Variants in ACER3 observed in about 807,000 individuals in gnomAD.
ACER3 encodes the protein alkaline ceramidase 3.
A neutral mutation model predicts 48.9 loss-of-function variants in ACER3; 16 were observed. The ratio of observed to expected loss-of-function variants is 0.33; its 90% confidence interval spans 0.22 to 0.50. The LOEUF (loss-of-function observed/expected upper bound fraction) is 0.50, where lower values mean the gene tolerates loss of function less well. ACER3 is among the 20% of genes least tolerant of loss of function. ACER3 has a pLI of 0.98. For synonymous variants in ACER3, 109 were observed against 107.8 expected (o/e 1.01, Z -0.07); for missense variants, 227 against 326.0 (o/e 0.70, Z 2.34).
At chr11:76,922,205 T>A (rs750200389) in intron 1 of ACER3, among the ~76,000 whole-genome samples, 1 of 152,186 alleles carries the variant, frequency 6.6e-6, no homozygotes, top group Admixed American at 6.5e-5. Context: ...TTCTAATTTG[T>A]AAAACTTGTG....
rs1466204332 is a variant in ACER3, at chr11:77,019,650, AT to A, written c.705-80del. ...TTTGCTTCGTACATGCAGAAGCACT[AT>A]GGTTACGTTTGTCAGTACGCCAGTT... On this transcript the variant is annotated intron_variant, in intron 9 of 10. Coordinates refer to ENST00000532485, the MANE Select transcript of ACER3 (RefSeq NM_018367.7). 5.4e-5 allele frequency: 73 copies of A among 1,354,918 alleles called. 1 individual carries two copies. The highest frequency in any genetic ancestry group is 2.0e-5 in the Non-Finnish European group (19 of 944,560). 83.9% of individuals were successfully genotyped at this position (1,354,918 alleles called of 1,614,324 possible).
rs1202844155 is a variant in ACER3, at chr11:77,026,546, G to T, written c.*6219G>T. The T allele has an allele frequency of 6.6e-6, 1 of 152,170 alleles. No individual in the cohort carries two copies. The highest frequency in any genetic ancestry group is 2.4e-5 in the African/African-American group (1 of 41,454). 9.4% of individuals were successfully genotyped at this position (152,170 alleles called of 1,614,324 possible). A position where few individuals can be genotyped will look rare whatever the true frequency, so the allele number is the denominator to read the frequency against. On this transcript the variant is annotated 3_prime_UTR_variant, in exon 11 of 11. Transcript: ENST00000532485. ...ATTTCCTAACTTCATAGTTGTCGCA[G>T]ATGTTTGTTCTAGTAGCGATTATTT...
intron 1 of ACER3, among the ~76,000 whole-genome samples, chr11:76,864,319 C>T (rs934759670): frequency 3.9e-5 from 6 of 152,168 alleles, no homozygotes; most frequent in Non-Finnish European, 5.9e-5. Flanking sequence ...ACACAAATGA[C>T]TGTGCAAGTT....
chr11:77,020,035 C>A (rs115655584), intron 10 of ACER3, among the ~76,000 whole-genome samples: 5 of 151,948 alleles, frequency 3.3e-5, no homozygotes, highest in African/African-American at 7.3e-5. Flanking sequence ...ATTTATATGC[C>A]CAGCTCCATG....
At chr11:76,905,304 C>G (rs10466735) in intron 1 of ACER3, among the ~76,000 whole-genome samples, 3,296 of 152,168 alleles carry the variant, frequency 0.022, 121 homozygotes, top group African/African-American at 0.076. Flanking sequence ...AAAAGTGAAA[C>G]AATATCTATT....
chr11:77,010,115 T>C (rs907791579), intron 7 of ACER3, among the ~76,000 whole-genome samples: 2 of 151,626 alleles, frequency 1.3e-5, no homozygotes, highest in African/African-American at 2.4e-5. Flanking sequence ...ATGACTCCCC[T>C]AAGAATTTGT....
chr11:76,982,143 T>A lies in ACER3; in HGVS notation c.321-3500T>A, dbSNP rs537428004. On this transcript the variant is annotated intron_variant, in intron 4 of 10. Transcript: ENST00000532485. ...TTTTCTTAGTGACTAATGATGTGCA[T>A]CTTTTTTTATTCTAATTGTCCATTT... 8.5e-5 allele frequency among the ~76,000 whole-genome samples: 13 copies of A among 152,238 alleles called. No individual in the cohort carries two copies. The South Asian group carries it at 1.2e-3, about 15-fold the overall frequency.
At chr11:77,008,198 C>T (rs756499412) in intron 7 of ACER3, among the ~76,000 whole-genome samples, 1 of 152,116 alleles carries the variant, frequency 6.6e-6, no homozygotes, top group Non-Finnish European at 1.5e-5. Flanking sequence ...ATATATAATG[C>T]CCAGCAGTTT....
chr11:76,954,942 C>G (rs7943364), intron 2 of ACER3, among the ~76,000 whole-genome samples: 1 of 152,028 alleles, frequency 6.6e-6, no homozygotes, highest in Admixed American at 6.5e-5. Flanking sequence ...AGTTCTGAGA[C>G]AGGAACCATA....
chr11:76,879,339 G>C (rs1225235134), intron 1 of ACER3, among the ~76,000 whole-genome samples: 2 of 152,000 alleles, frequency 1.3e-5, no homozygotes, highest in African/African-American at 4.8e-5. Flanking sequence ...TTCCTAATAG[G>C]CATATCCAGT....
intron 1 of ACER3, among the ~76,000 whole-genome samples, chr11:76,872,233 C>A (rs969712531): frequency 1.3e-5 from 2 of 152,136 alleles, no homozygotes; most frequent in African/African-American, 4.8e-5. Flanking sequence ...TGTGCCACCA[C>A]CCCCGCTAAT....
intron 3 of ACER3, among the ~76,000 whole-genome samples, chr11:76,968,383 A>G (rs1948195755): frequency 6.6e-6 from 1 of 152,206 alleles, no homozygotes. Context: ...TAATTTATAG[A>G]TTGAATGCAA....
intron 2 of ACER3, among the ~76,000 whole-genome samples, chr11:76,957,087 T>C (rs1947859765): frequency 6.6e-6 from 1 of 152,220 alleles, no homozygotes; most frequent in Admixed American, 6.5e-5. Flanking sequence ...CAAGTGTTCC[T>C]TCTCTGTGCT....
At chr11:76,944,329 G>T (rs958855916) in intron 2 of ACER3, among the ~76,000 whole-genome samples, 2 of 152,052 alleles carry the variant, frequency 1.3e-5, no homozygotes, top group Admixed American at 1.3e-4. Flanking sequence ...GTGTTTTCAG[G>T]ATGGTGGTTA....
intron 2 of ACER3, among the ~76,000 whole-genome samples, chr11:76,929,273 A>G (rs1449591498): frequency 4.0e-5 from 6 of 151,886 alleles, no homozygotes; most frequent in East Asian, 1.9e-4. Flanking sequence ...GTCTGTTATT[A>G]GTGTATAAGA....
intron 2 of ACER3, among the ~76,000 whole-genome samples, chr11:76,948,627 CT>C (rs1200476067): frequency 6.6e-6 from 1 of 152,192 alleles, no homozygotes; most frequent in East Asian, 1.9e-4. Context: ...ATATACCAGG[CT>C]GCTGATGCCT....
intron 2 of ACER3, among the ~76,000 whole-genome samples, chr11:76,958,597 G>C (rs1259471650): frequency 6.6e-6 from 1 of 152,178 alleles, no homozygotes; most frequent in African/African-American, 2.4e-5. Context: ...GCATCAACAA[G>C]TTCAGGAACA....
At chr11:76,942,712 G>T (rs770213121) in intron 2 of ACER3, among the ~76,000 whole-genome samples, 8 of 151,972 alleles carry the variant, frequency 5.3e-5, no homozygotes, top group Non-Finnish European at 1.0e-4. Context: ...GAATTAAGAA[G>T]AATTCCCTCC....
intron 5 of ACER3, among the ~76,000 whole-genome samples, chr11:76,989,760 G>A (rs1948760068): frequency 6.6e-6 from 1 of 152,194 alleles, no homozygotes; most frequent in Non-Finnish European, 1.5e-5. Flanking sequence ...TGTCTTACAA[G>A]TGATGAGAGT....
Sources: allele counts gnomAD v4.1 joint callset (sites outside exome capture counted in the v4.1 genomes callset), GRCh38; gene constraint gnomAD v4.1.1; transcripts MANE v1.5; gene names NCBI Gene and HGNC (gene_info 2026-07-23, HGNC 2026-07-21).